KCTD8: variants seen among roughly 807,000 people sequenced by gnomAD.
The protein encoded by KCTD8 is BTB/POZ domain-containing protein KCTD8.
A neutral mutation model predicts 31.5 loss-of-function variants in KCTD8; 27 were observed. The observed-to-expected ratio is 0.86, with a 90% CI of 0.63 to 1.18. The LOEUF is 1.18. Ranked by LOEUF, KCTD8 falls within the 50% of genes most tolerant of loss-of-function variation. The pLI is 0.00. For missense variants in KCTD8, 658 were observed against 647.7 expected (o/e 1.02, Z -0.17); for synonymous variants, 290 against 280.0 (o/e 1.04, Z -0.36).
intron 1 of KCTD8, among the ~76,000 whole-genome samples, chr4:44,391,673 G>C (rs1165470649): frequency 6.6e-6 from 1 of 151,754 alleles, no homozygotes; most frequent in Non-Finnish European, 1.5e-5. Flanking sequence ...CCAGTTAACA[G>C]TGGGCTATTT....
At chr4:44,221,998 A>G (rs2109348425) in intron 1 of KCTD8, among the ~76,000 whole-genome samples, 1 of 152,332 alleles carries the variant, frequency 6.6e-6, no homozygotes, top group Admixed American at 6.5e-5. Context: ...GAGGTATTCA[A>G]CAATAAAATC....
chr4:44,179,712 A>G (rs1713323567), intron 1 of KCTD8, among the ~76,000 whole-genome samples: 1 of 151,218 alleles, frequency 6.6e-6, no homozygotes, highest in African/African-American at 2.4e-5. Context: ...TGTATAAATC[A>G]TTAGGGATCA....
At chr4:44,186,556 G>A (rs189406915) in intron 1 of KCTD8, among the ~76,000 whole-genome samples, 72 of 152,278 alleles carry the variant, frequency 4.7e-4, no homozygotes, top group African/African-American at 1.7e-3. Context: ...ACACTGTAAC[G>A]TGCCCTCTGG....
intron 1 of KCTD8, among the ~76,000 whole-genome samples, chr4:44,379,409 C>A (rs1266441406): frequency 6.6e-6 from 1 of 152,094 alleles, no homozygotes. Flanking sequence ...AAGTGATAGA[C>A]TACTGAGACC....
rs2109326266 is a variant in KCTD8, at chr4:44,174,152, AG to A, written c.*637del. 6.5e-6 allele frequency: 1 copy of A among 152,672 alleles called. No individual in the cohort carries two copies. Among genetic ancestry groups the A allele is most frequent in the African/African-American group, 2.4e-5 (1 of 41,584 alleles). 9.5% of individuals were successfully genotyped at this position (152,672 alleles called of 1,614,324 possible). ...TAAACACCATACACATACACAAAAA[AG>A]TCACAGATCCAGAACAAAGAAAATT... On this transcript the variant is annotated 3_prime_UTR_variant, in exon 2 of 2. Transcript: ENST00000360029.
chr4:44,272,014 A>G (rs1372766134), intron 1 of KCTD8, among the ~76,000 whole-genome samples: 1 of 151,898 alleles, frequency 6.6e-6, no homozygotes, highest in African/African-American at 2.4e-5. Context: ...AATGAAAATG[A>G]GAAAGTACCT....
At chr4:44,444,285 G>A (rs1316651481) in intron 1 of KCTD8, among the ~76,000 whole-genome samples, 8 of 152,078 alleles carry the variant, frequency 5.3e-5, no homozygotes, top group African/African-American at 7.2e-5. Flanking sequence ...GGGTTCTGTT[G>A]GAGTCAATCC....
chr4:44,442,419 T>C (rs1374743996), intron 1 of KCTD8, among the ~76,000 whole-genome samples: 1 of 151,866 alleles, frequency 6.6e-6, no homozygotes, highest in African/African-American at 2.4e-5. Flanking sequence ...AAACCCCATC[T>C]CTACTAAAAA....
chr4:44,271,735 T>C (rs1333925649), intron 1 of KCTD8, among the ~76,000 whole-genome samples: 1 of 152,164 alleles, frequency 6.6e-6, no homozygotes, highest in African/African-American at 2.4e-5. Context: ...GCCCATCCCT[T>C]TGTTTCGGCC....
chr4:44,231,504 T>C (rs560200481), intron 1 of KCTD8, among the ~76,000 whole-genome samples: 1 of 152,170 alleles, frequency 6.6e-6, no homozygotes, highest in Admixed American at 6.5e-5. Flanking sequence ...AGATAGCACA[T>C]GATAGTCTTC....
At chr4:44,424,841 T>C (rs1328529641) in intron 1 of KCTD8, among the ~76,000 whole-genome samples, 18 of 152,088 alleles carry the variant, frequency 1.2e-4, no homozygotes, top group Non-Finnish European at 1.5e-5. Flanking sequence ...CCAGTTCTCA[T>C]TGATATGGAC....
chr4:44,293,238 G>T, intron 1 of KCTD8, among the ~76,000 whole-genome samples: 1 of 152,154 alleles, frequency 6.6e-6, no homozygotes, highest in East Asian at 1.9e-4. Flanking sequence ...ATTTTAAGAG[G>T]TTTTTTCTTC....
intron 1 of KCTD8, among the ~76,000 whole-genome samples, chr4:44,191,131 T>A (rs972390052): frequency 2.6e-5 from 4 of 152,220 alleles, no homozygotes; most frequent in African/African-American, 9.6e-5. Flanking sequence ...TAATTTCTTA[T>A]GCCTGTCTTT....
chr4:44,239,242 G>A (rs1199257820), intron 1 of KCTD8, among the ~76,000 whole-genome samples: 1 of 152,144 alleles, frequency 6.6e-6, no homozygotes, highest in Admixed American at 6.5e-5. Context: ...TTTTGATGTT[G>A]TCGTGGACTC....
At chr4:44,424,616 G>A (rs1295396445) in intron 1 of KCTD8, among the ~76,000 whole-genome samples, 1 of 151,890 alleles carries the variant, frequency 6.6e-6, no homozygotes, top group East Asian at 1.9e-4. Flanking sequence ...AGTAAGTTTG[G>A]CAATTGTTTC....
At chr4:44,217,601 G>A (rs1366276160) in intron 1 of KCTD8, among the ~76,000 whole-genome samples, 4 of 152,138 alleles carry the variant, frequency 2.6e-5, no homozygotes, top group South Asian at 4.1e-4. Context: ...AGTGGACTGC[G>A]GAAGGAAGAC....
intron 1 of KCTD8, among the ~76,000 whole-genome samples, chr4:44,256,936 C>T (rs1716008894): frequency 6.6e-6 from 1 of 151,956 alleles, no homozygotes. Flanking sequence ...AAACAAATAT[C>T]CTCTATGACC....
At chr4:44,204,556 G>T (rs1714248624) in intron 1 of KCTD8, among the ~76,000 whole-genome samples, 1 of 152,040 alleles carries the variant, frequency 6.6e-6, no homozygotes, top group Admixed American at 6.6e-5. Context: ...CCTTAGAGTT[G>T]TGAGCCCTTA....
intron 1 of KCTD8, among the ~76,000 whole-genome samples, chr4:44,416,309 G>A (rs1721077118): frequency 6.6e-6 from 1 of 152,208 alleles, no homozygotes; most frequent in Non-Finnish European, 1.5e-5. Flanking sequence ...GGTGGATGGA[G>A]ATAAGTCTCA....
Sources: allele counts gnomAD v4.1 joint callset (sites outside exome capture counted in the v4.1 genomes callset), GRCh38; gene constraint gnomAD v4.1.1; transcripts MANE v1.5; gene names NCBI Gene and HGNC (gene_info 2026-07-23, HGNC 2026-07-21).